The following CDH18 variants were observed in gnomAD, a reference collection of about 807,000 sequenced individuals.
The protein encoded by CDH18 is cadherin-18.
Under a neutral mutation model 67.9 loss-of-function variants are expected in CDH18, and 31 were observed. The observed-to-expected ratio is 0.46, with a 90% confidence interval of 0.34 to 0.62. The LOEUF (loss-of-function observed/expected upper bound fraction) is 0.62. CDH18 is among the 20% of genes least tolerant of loss of function. CDH18 has a pLI of 0.01. For synonymous variants in CDH18, 362 were observed against 347.2 expected, an observed-to-expected ratio of 1.04 and a Z score of -0.48; for missense variants, 890 against 975.5, an observed-to-expected ratio of 0.91 and a Z score of 1.17.
At chr5:19,579,361 T>C (rs1742844099) in intron 7 of CDH18, among the ~76,000 whole-genome samples, 1 of 151,962 alleles carries the variant, frequency 6.6e-6, no homozygotes, top group Non-Finnish European at 1.5e-5. Flanking sequence ...TGAAATCATA[T>C]CTCTTACTTT....
At chr5:20,279,832 A>G (rs555831970) in intron 1 of CDH18, among the ~76,000 whole-genome samples, 1 of 152,182 alleles carries the variant, frequency 6.6e-6, no homozygotes, top group South Asian at 2.1e-4. Flanking sequence ...AAATCATCAA[A>G]GAAACATAGA....
At chr5:19,887,510 T>C (rs1379634877) in intron 2 of CDH18, among the ~76,000 whole-genome samples, 2 of 152,054 alleles carry the variant, frequency 1.3e-5, no homozygotes, top group Non-Finnish European at 1.5e-5. Context: ...CATGTGTCTT[T>C]TTCCCCAAAA....
intron 2 of CDH18, among the ~76,000 whole-genome samples, chr5:20,012,458 TTTCTATACATCAA>T (rs946025294): frequency 3.3e-5 from 5 of 151,436 alleles, no homozygotes; most frequent in African/African-American, 1.2e-4. Context: ...TTCAGTAGCA[TTTCTATACATCAA>T]TTTTGTTGAA....
chr5:20,268,207 C>T (rs927806855), intron 1 of CDH18, among the ~76,000 whole-genome samples: 2 of 152,106 alleles, frequency 1.3e-5, no homozygotes, highest in Admixed American at 6.6e-5. Context: ...CTGATGGACA[C>T]CTAGGTTGCT....
Position 20,560,946 on chromosome 5 carries a change from T to A in CDH18, c.-580+14516A>T, listed in dbSNP as rs530331728. On this transcript the variant is annotated intron_variant, in intron 1 of 14. Transcript: ENST00000507958. ...AAGAAAATTAACAAACTAAAAAAAA[T>A]CAGCAAAAGACTTGAACAGATGTCT... Among the ~76,000 whole-genome samples the A allele has an allele frequency of 2.0e-5, 3 of 151,946 alleles. No individual in the cohort carries two copies. In the East Asian group the frequency reaches 5.8e-4, roughly 29 times the overall value.
At chr5:20,381,776 G>A (rs1743927160) in intron 1 of CDH18, among the ~76,000 whole-genome samples, 1 of 152,004 alleles carries the variant, frequency 6.6e-6, no homozygotes, top group South Asian at 2.1e-4. Context: ...ACCTCTTCCC[G>A]TTCAACAAAA....
At chr5:19,929,964 A>G (rs1422045899) in intron 2 of CDH18, among the ~76,000 whole-genome samples, 1 of 152,098 alleles carries the variant, frequency 6.6e-6, no homozygotes, top group Non-Finnish European at 1.5e-5. Context: ...TGAAGTAGAA[A>G]CTAAGAAAAA....
At chr5:20,060,893 A>T (rs555205986) in intron 2 of CDH18, among the ~76,000 whole-genome samples, 2 of 152,124 alleles carry the variant, frequency 1.3e-5, no homozygotes, top group African/African-American at 4.8e-5. Context: ...TTTTTATATG[A>T]TTGACACAAA....
chr5:20,134,470 T>G (rs568936915), intron 2 of CDH18, among the ~76,000 whole-genome samples: 7 of 152,168 alleles, frequency 4.6e-5, no homozygotes, highest in Non-Finnish European at 8.8e-5. Flanking sequence ...TTTATTTTGA[T>G]TCACTTTCAG....
At chr5:19,605,743 T>G (rs1747934745) in intron 6 of CDH18, among the ~76,000 whole-genome samples, 1 of 152,096 alleles carries the variant, frequency 6.6e-6, no homozygotes, top group Non-Finnish European at 1.5e-5. Context: ...AAATTTTATA[T>G]GCACATATAC....
intron 2 of CDH18, among the ~76,000 whole-genome samples, chr5:20,203,912 C>T (rs1243560641): frequency 6.6e-6 from 1 of 151,686 alleles, no homozygotes; most frequent in Non-Finnish European, 1.5e-5. Context: ...AGCAAATAAT[C>T]AGTGAGCTCA....
At chr5:20,235,428 A>T (rs557292268) in intron 2 of CDH18, among the ~76,000 whole-genome samples, 144 of 152,268 alleles carry the variant, frequency 9.5e-4, no homozygotes, top group African/African-American at 3.3e-3. Flanking sequence ...CAAATCAACA[A>T]GCAAAAAATG....
At chr5:19,729,364 AG>A (rs1475736130) in intron 4 of CDH18, among the ~76,000 whole-genome samples, 2 of 152,242 alleles carry the variant, frequency 1.3e-5, no homozygotes, top group Admixed American at 1.3e-4. Flanking sequence ...AGTTCAAAAA[AG>A]TTGTATAGTT....
intron 4 of CDH18, among the ~76,000 whole-genome samples, chr5:19,746,261 T>C (rs924340364): frequency 6.6e-6 from 1 of 152,194 alleles, no homozygotes; most frequent in African/African-American, 2.4e-5. Context: ...ATCATGGTTC[T>C]GTTGGCTGCA....
chr5:19,960,814 C>A (rs971943036), intron 2 of CDH18, among the ~76,000 whole-genome samples: 11 of 148,984 alleles, frequency 7.4e-5, no homozygotes, highest in African/African-American at 2.7e-4. Context: ...TATACACACA[C>A]ACACGCACAC....
chr5:19,652,276 C>A (rs1200671701), intron 5 of CDH18, among the ~76,000 whole-genome samples: 1 of 151,728 alleles, frequency 6.6e-6, no homozygotes, highest in African/African-American at 2.4e-5. Flanking sequence ...TATGACAGAC[C>A]TAGTGCTATG....
chr5:20,413,912 C>T (rs1334908054), intron 1 of CDH18, among the ~76,000 whole-genome samples: 1 of 152,014 alleles, frequency 6.6e-6, no homozygotes, highest in Non-Finnish European at 1.5e-5. Context: ...AATGGTATTG[C>T]CTAGGTTTTC....
chr5:19,722,186 T>C (rs1208330554), intron 4 of CDH18, among the ~76,000 whole-genome samples: 1 of 152,108 alleles, frequency 6.6e-6, no homozygotes, highest in Admixed American at 6.6e-5. Context: ...CCTGAGTAGC[T>C]AGGACTACAG....
intron 2 of CDH18, among the ~76,000 whole-genome samples, chr5:20,004,104 T>C (rs1736687300): frequency 1.3e-5 from 2 of 152,176 alleles, no homozygotes; most frequent in Admixed American, 1.3e-4. Context: ...CAATCCAAAC[T>C]TCTAGGGATT....
Sources: gnomAD v4.1 joint callset for allele counts (sites outside exome capture counted in the v4.1 genomes callset) on GRCh38, gnomAD v4.1.1 for gene constraint, MANE v1.5 for transcripts, NCBI Gene and HGNC (gene_info 2026-07-23, HGNC 2026-07-21) for gene names.